The following DLGAP1 variants were observed in gnomAD, a reference collection of about 807,000 sequenced individuals.
DLGAP1 encodes the protein disks large-associated protein 1.
Under a neutral mutation model 90.8 loss-of-function variants are expected in DLGAP1, and 11 were observed. The observed-to-expected ratio is 0.12, with a 90% confidence interval of 0.08 to 0.20. The LOEUF (loss-of-function observed/expected upper bound fraction) is 0.20. Ranked by LOEUF, DLGAP1 falls within the 10% of genes least tolerant of loss-of-function variation. DLGAP1 has a pLI of 1.00. For missense variants in DLGAP1, 1,050 were observed against 1,333.8 expected (o/e 0.79, Z 3.31); for synonymous variants, 558 against 540.7 (o/e 1.03, Z -0.44).
chr18:3,562,989 A>G (rs1212641024), intron 9 of DLGAP1, among the ~76,000 whole-genome samples: 1 of 151,718 alleles, frequency 6.6e-6, no homozygotes, highest in African/African-American at 2.4e-5. Context: ...CCACAGCCAG[A>G]TAACTTTTTG....
At chr18:3,726,520 G>C (rs1186378610) in intron 7 of DLGAP1, among the ~76,000 whole-genome samples, 2 of 152,012 alleles carry the variant, frequency 1.3e-5, no homozygotes. Context: ...GAAGGGCATA[G>C]ACCCTTATCA....
rs73384977 is a variant in DLGAP1 at position 4,376,084 on chromosome 18, T to C, written c.-267+78922A>G. 1.8e-3 allele frequency among the ~76,000 whole-genome samples: 277 copies of C among 152,234 alleles called. 1 individual carries two copies. Among genetic ancestry groups the C allele is most frequent in the African/African-American group, 6.4e-3 (265 of 41,554 alleles). On this transcript the variant is annotated intron_variant, in intron 1 of 12. Coordinates refer to ENST00000315677, the MANE Select transcript of DLGAP1 (RefSeq NM_004746.4). ...TCAGAAGAGCTTGAAAACACTGAAT[T>C]ATACTTGATGATAGAAAGTATCAAA...
At chr18:3,953,579 T>C (rs908948400) in intron 3 of DLGAP1, among the ~76,000 whole-genome samples, 1 of 152,174 alleles carries the variant, frequency 6.6e-6, no homozygotes, top group Non-Finnish European at 1.5e-5. Flanking sequence ...CTTTATCCAA[T>C]AATCTGTTGA....
At chr18:3,765,297 G>T (rs111954098) in intron 5 of DLGAP1, among the ~76,000 whole-genome samples, 1 of 148,734 alleles carries the variant, frequency 6.7e-6, no homozygotes, top group Non-Finnish European at 1.5e-5. Context: ...CGCCTGGCTA[G>T]TTTTTTGTAT....
chr18:3,938,397 C>T (rs2072689973), intron 3 of DLGAP1, among the ~76,000 whole-genome samples: 2 of 152,072 alleles, frequency 1.3e-5, no homozygotes, highest in South Asian at 4.2e-4. Flanking sequence ...GAAAAAGCCT[C>T]TCTGAGGAGG....
chr18:3,628,585 T>A (rs545906505), intron 7 of DLGAP1, among the ~76,000 whole-genome samples: 13 of 152,314 alleles, frequency 8.5e-5, no homozygotes, highest in East Asian at 1.9e-4. Context: ...TCCCCGTGCA[T>A]CTTTTCCCTG....
chr18:3,817,806 C>T (rs912492984), intron 4 of DLGAP1, among the ~76,000 whole-genome samples: 2 of 152,128 alleles, frequency 1.3e-5, no homozygotes, highest in African/African-American at 4.8e-5. Flanking sequence ...GCAGAGGTTG[C>T]TGTGTCTTTC....
At chr18:3,871,303 C>T (rs773671695) in intron 4 of DLGAP1, among the ~76,000 whole-genome samples, 8 of 152,052 alleles carry the variant, frequency 5.3e-5, no homozygotes, top group South Asian at 2.1e-4. Context: ...ATACAATGTC[C>T]GCATTGCAGG....
intron 1 of DLGAP1, among the ~76,000 whole-genome samples, chr18:4,308,739 C>T (rs1390888232): frequency 1.3e-5 from 2 of 152,184 alleles, no homozygotes; most frequent in Non-Finnish European, 2.9e-5. Flanking sequence ...GGAACAACTT[C>T]AATTTCTATG....
chr18:4,449,336 T>C (rs761226254), intron 1 of DLGAP1, among the ~76,000 whole-genome samples: 2 of 152,194 alleles, frequency 1.3e-5, no homozygotes, highest in East Asian at 3.9e-4. Flanking sequence ...GCAGAGTGCA[T>C]GTTGCCTAGT....
At chr18:4,079,933 A>G (rs2075581312) in intron 2 of DLGAP1, among the ~76,000 whole-genome samples, 1 of 152,226 alleles carries the variant, frequency 6.6e-6, no homozygotes, top group South Asian at 2.1e-4. Flanking sequence ...GGGTCTTACT[A>G]AATCACTCAT....
At chr18:3,581,675 A>AG (rs1555687793) in intron 8 of DLGAP1, among the ~76,000 whole-genome samples, 200 bp downstream of exon 8, 16 of 151,658 alleles carry the variant, frequency 1.1e-4, no homozygotes, top group Admixed American at 5.9e-4. Flanking sequence ...AAAAAAAAAA[A>AG]AAAAGAAAAG....
intron 3 of DLGAP1, among the ~76,000 whole-genome samples, chr18:3,935,179 A>T (rs1039082994): frequency 1.3e-5 from 2 of 152,230 alleles, no homozygotes; most frequent in Non-Finnish European, 2.9e-5. Context: ...GGCCTTCACC[A>T]TAACCTTGTG....
intron 3 of DLGAP1, among the ~76,000 whole-genome samples, chr18:3,959,669 A>AAAGAAAGAAAGAAAGAAAGAAAGAAAG (rs1555714889): frequency 1.1e-3 from 162 of 149,302 alleles, no homozygotes; most frequent in African/African-American, 3.8e-3. Flanking sequence ...GTCTCAAAAA[A>AAAGAAAGAAAGAAAGAAAGAAAGAAAG]AAAGAAAGAA....
rs564614800 is a variant in DLGAP1 at position 3,633,289 on chromosome 18, G to A, written c.1592-51041C>T. ...ATGGTGGCGGGCTCCTGTAGTCCCA[G>A]CTACTCTGGAGGCTGAGGCAGGAGA... On this transcript the variant is annotated intron_variant, in intron 7 of 12. Transcript: ENST00000315677. Among the ~76,000 whole-genome samples the A allele has an allele frequency of 2.0e-4, 30 of 151,972 alleles. 1 individual carries two copies. The South Asian group carries it at 5.8e-3, about 29-fold the overall frequency.
At chr18:3,835,580 TG>T (rs1458751851) in intron 4 of DLGAP1, among the ~76,000 whole-genome samples, 9 of 143,314 alleles carry the variant, frequency 6.3e-5, no homozygotes, top group Non-Finnish European at 1.3e-4. Context: ...ATCTGGGAAG[TG>T]GAAGTTGCGG....
chr18:4,284,958 G>T (rs374405652), intron 1 of DLGAP1, among the ~76,000 whole-genome samples: 3 of 152,142 alleles, frequency 2.0e-5, no homozygotes, highest in African/African-American at 7.2e-5. Context: ...AAGTGCTTTC[G>T]CAATAAAGCA....
At chr18:4,186,619 T>C (rs1168023287) in intron 1 of DLGAP1, among the ~76,000 whole-genome samples, 1 of 152,196 alleles carries the variant, frequency 6.6e-6, no homozygotes, top group Non-Finnish European at 1.5e-5. Context: ...CTGTCTATTC[T>C]ATTCCATTGG....
rs144698144 is a variant in DLGAP1, at chr18:4,060,965, A to G, written c.-158-55764T>C. Among the ~76,000 whole-genome samples the G allele has an allele frequency of 2.1e-4, 32 of 152,316 alleles. 2 individuals carry two copies. In the East Asian group the frequency reaches 6.2e-3, roughly 29 times the overall value. Reference sequence around the variant, plus strand: ...CCTACTAAATGCATCATGAAGTGCTACTACGACTCTTAACTGTACAACTTG... The same window carrying G: ...CCTACTAAATGCATCATGAAGTGCTGCTACGACTCTTAACTGTACAACTTG... On this transcript the variant is annotated intron_variant, in intron 2 of 12. Coordinates refer to ENST00000315677, the MANE Select transcript of DLGAP1 (RefSeq NM_004746.4).
Sources: allele counts gnomAD v4.1 joint callset (sites outside exome capture counted in the v4.1 genomes callset), GRCh38; gene constraint gnomAD v4.1.1; transcripts MANE v1.5; gene names NCBI Gene and HGNC (gene_info 2026-07-23, HGNC 2026-07-21).